Variants in TICRR observed in about 807,000 individuals in gnomAD.
The protein encoded by TICRR is TOPBP1 interacting checkpoint and replication regulator, also known as treslin.
A neutral mutation model predicts 178.1 loss-of-function variants in TICRR; 132 were observed. The observed-to-expected ratio is 0.74, with a 90% CI of 0.64 to 0.86. TICRR has a LOEUF of 0.86. TICRR is among the 40% of genes least tolerant of loss of function. The pLI is 0.00. For missense variants in TICRR, 2,587 were observed against 2,334.3 expected (o/e 1.11, Z -2.23); for synonymous variants, 991 against 900.7 (o/e 1.10, Z -1.79).
intron 5 of TICRR, 45 bp downstream of exon 5, chr15:89,592,221 C>A: frequency 6.5e-7 from 1 of 1,546,006 alleles, no homozygotes; most frequent in South Asian, 1.2e-5. Flanking sequence ...TTAAAATCAA[C>A]GTTCAGTTAT....
At chr15:89,601,228 T>C in intron 9 of TICRR, 70 bp from the exon 10 acceptor site, 1 of 1,367,970 alleles carries the variant, frequency 7.3e-7, no homozygotes, top group Non-Finnish European at 1.0e-6. Context: ...AATAGATCTA[T>C]GCTTACGGAA....
At position 89,619,719 on chromosome 15, in the gene TICRR, A is replaced by C; in HGVS notation, c.3031A>C (p.Arg1011=). The C allele has an allele frequency of 6.2e-7, 1 of 1,610,560 alleles. No individual in the cohort carries two copies. Among genetic ancestry groups the C allele is most frequent in the Non-Finnish European group, 8.5e-7 (1 of 1,179,042 alleles). ...TTCTGATTTTACAGAAATAAGTCTG[A>C]GACGAAGTCCTCGAATCAAGCAGTT... ...SPEKGDEISL[R]RSPRIKQLSF... is the part of the protein sequence containing the mutation. The change falls in exon 18 of 22, where the codon AGA becomes CGA. Residue 1011 remains arginine, a synonymous_variant. Transcript: ENST00000268138.
chr15:89,584,624 G>T, intron 3 of TICRR, 97 bp downstream of exon 3: 1 of 1,251,504 alleles, frequency 8.0e-7, no homozygotes, highest in Non-Finnish European at 1.1e-6. Flanking sequence ...TATAGTCTTA[G>T]TAAAACTGAT....
At chr15:89,596,467 C>A (rs1315540393) in intron 7 of TICRR, among the ~76,000 whole-genome samples, 1 of 152,158 alleles carries the variant, frequency 6.6e-6, no homozygotes, top group African/African-American at 2.4e-5. Flanking sequence ...CTGTCTCAGC[C>A]TCCCGAGTAG....
rs775702308 is a variant in TICRR at position 89,624,223 on chromosome 15, C to T, written c.3913C>T (p.Pro1305Ser). The T allele has an allele frequency of 6.2e-7, 1 of 1,614,196 alleles. No homozygotes were observed. Among genetic ancestry groups the T allele is most frequent in the East Asian group, 2.2e-5 (1 of 44,886 alleles). The stretch of plus-strand genomic sequence containing the variant: ...GAATTCAACTGTGACTTCTTCCCCA[C>T]CTGTTACGCCAAAGAAACTGTTTAC... The part of the protein sequence containing the change: ...PGNSTVTSSP[P>S]VTPKKLFTSP... Residue 1305 changes from proline to serine, a missense_variant, in exon 20 of 22, where the codon CCT becomes TCT. Coordinates refer to ENST00000268138, the MANE Select transcript of TICRR (RefSeq NM_152259.4).
At chr15:89,609,055 T>C in intron 15 of TICRR, 106 bp downstream of exon 15, 2 of 943,118 alleles carry the variant, frequency 2.1e-6, no homozygotes, top group Non-Finnish European at 1.5e-6. Context: ...TCTTCTTCCC[T>C]CTTTTTTCCT....
chr15:89,624,330 G>C lies in TICRR; in HGVS notation c.4020G>C (p.Gln1340His). 1 of 1,614,182 alleles carries C rather than the reference G, an allele frequency of 6.2e-7. No homozygotes were observed. The highest frequency in any genetic ancestry group is 1.1e-5 in the South Asian group (1 of 91,076). The change falls in exon 20 of 22, where the codon CAG becomes CAC. Residue 1340 changes from glutamine (Q) to histidine (H), a missense_variant. By Grantham distance (24) the Gln-to-His change is conservative. Coordinates refer to ENST00000268138, the MANE Select transcript of TICRR (RefSeq NM_152259.4). The part of the protein sequence containing the change: ...IECPSPGELD[Q>H]KEPQMSPSVA... ...GTCCTTCCCCAGGAGAACTGGATCA[G>C]AAAGAGCCCCAGATGTCACCCAGCG...
chr15:89,592,257 A>C (rs887974298), intron 5 of TICRR, 81 bp downstream of exon 5: 23 of 1,214,846 alleles, frequency 1.9e-5, no homozygotes, highest in Non-Finnish European at 2.7e-5. Context: ...AACAGACCAC[A>C]TTCTCTGAGT....
At chr15:89,614,960 T>C (rs182851755) in intron 15 of TICRR, among the ~76,000 whole-genome samples, 219 of 152,330 alleles carry the variant, frequency 1.4e-3, no homozygotes, top group Non-Finnish European at 1.7e-3. Context: ...AGGTTAGCCA[T>C]AGGTGGCAGC....
At chr15:89,622,450 A>G (rs1384212919) in intron 19 of TICRR, among the ~76,000 whole-genome samples, 1 of 152,194 alleles carries the variant, frequency 6.6e-6, no homozygotes, top group African/African-American at 2.4e-5. Context: ...TTTGCTTAAA[A>G]TGTTCACTTT....
chr15:89,619,769 C>T lies in TICRR; in HGVS notation c.3081C>T (p.Ala1027=). ...KQLSFSRTHS[A]SFYSVSQPKS... The stretch of plus-strand genomic sequence containing the variant: ...TGTCATTTAGCAGGACACATTCTGC[C>T]TCCTTCTATTCTGTGTCTCAGCCGA... Residue 1027 remains alanine, a synonymous_variant, in exon 18 of 22, where the codon GCC becomes GCT. Coordinates refer to ENST00000268138, the MANE Select transcript of TICRR (RefSeq NM_152259.4). 2.5e-6 allele frequency: 4 copies of T among 1,613,904 alleles called. No homozygotes were observed. In the African/African-American group the frequency reaches 4.0e-5, roughly 16 times the overall value.
At chr15:89,591,878 C>A in intron 4 of TICRR, 169 bp from the exon 5 acceptor site, 2 of 461,738 alleles carry the variant, frequency 4.3e-6, no homozygotes, top group Non-Finnish European at 7.6e-6. Flanking sequence ...TTTTTATTTA[C>A]CACATAGGCC....
At chr15:89,599,566 T>G (rs779362222) in intron 8 of TICRR, 91 bp downstream of exon 8, 1 of 1,289,568 alleles carries the variant, frequency 7.8e-7, no homozygotes, top group Non-Finnish European at 1.1e-6. Flanking sequence ...GGAAAATGTC[T>G]GTTATGTCAT....
rs186799806 is a variant in TICRR at position 89,588,901 on chromosome 15, G to A, written c.1411+2959G>A. On this transcript the variant is annotated intron_variant, in intron 4 of 21. Transcript: ENST00000268138. ...TGAGACTCAAAGCTGGATTTTTGTCGTTATTTTCAGCAGGTAGAGGGAAAA... is the reference window on the plus strand; with the variant it reads ...TGAGACTCAAAGCTGGATTTTTGTCATTATTTTCAGCAGGTAGAGGGAAAA... Among the ~76,000 whole-genome samples the A allele has an allele frequency of 1.1e-4, 16 of 152,202 alleles. No homozygotes were observed. In the East Asian group the frequency reaches 1.4e-3, roughly 13 times the overall value.
chr15:89,624,286 A>C lies in TICRR; in HGVS notation c.3976A>C (p.Arg1326=). 6.2e-7 allele frequency: 1 copy of C among 1,614,204 alleles called. No homozygotes were observed. Among genetic ancestry groups the C allele is most frequent in the Non-Finnish European group, 8.5e-7 (1 of 1,180,042 alleles). Residue 1326 remains arginine (R), a synonymous_variant, in exon 20 of 22, where the codon AGG becomes CGG. Transcript: ENST00000268138. ...TGATGTCTCCAAGAAGAGTCCATTT[A>C]GGAAATCTAAAATAGAGTGTCCTTC... ...LCDVSKKSPF[R]KSKIECPSPG...
In TICRR at chr15:89,623,954, C is replaced by T. The variant is rs1963466471; in HGVS notation, c.3644C>T (p.Ser1215Leu). 2 of 1,614,110 alleles carry T rather than the reference C, an allele frequency of 1.2e-6. No individual in the cohort carries two copies. The highest frequency in any genetic ancestry group is 1.3e-5 in the African/African-American group (1 of 75,034). ...TTGCCAAACTGTACTTGGCCACATT[C>T]AGTGAATTCCAGTCCAGAAAGCCCC... ...GFLPNCTWPH[S>L]VNSSPESPSC... The change falls in exon 20 of 22, where the codon TCA becomes TTA. Residue 1215 changes from serine (S) to leucine (L), a missense_variant. Physicochemically the swap from Ser to Leu is moderately radical, Grantham distance 145 (BLOSUM62 -2). Transcript: ENST00000268138.
chr15:89,623,936 A>G lies in TICRR; in HGVS notation c.3626A>G (p.Asn1209Ser). The G allele has an allele frequency of 1.2e-6, 2 of 1,613,910 alleles. No individual in the cohort carries two copies. The highest frequency in any genetic ancestry group is 1.7e-6 in the Non-Finnish European group (2 of 1,179,990). ...ACTCAGCCGCCTGGGTTTTTGCCAAACTGTACTTGGCCACATTCAGTGAAT... is the reference window on the plus strand; with the variant it reads ...ACTCAGCCGCCTGGGTTTTTGCCAAGCTGTACTTGGCCACATTCAGTGAAT... ...QGTQPPGFLP[N>S]CTWPHSVNSS... Residue 1209 changes from asparagine (N) to serine (S), a missense_variant, in exon 20 of 22, where the codon AAC becomes AGC. Asn to Ser is a conservative substitution (Grantham distance 46). Coordinates refer to ENST00000268138, the MANE Select transcript of TICRR (RefSeq NM_152259.4).
At chr15:89,576,382 A>G in intron 1 of TICRR, 142 bp downstream of exon 1, 1 of 853,106 alleles carries the variant, frequency 1.2e-6, no homozygotes, top group Non-Finnish European at 1.7e-6. Flanking sequence ...ACAAATAAAT[A>G]GGAACAGTTT....
intron 19 of TICRR, 93 bp downstream of exon 19, chr15:89,621,643 A>G (rs1489601331): frequency 1.8e-6 from 2 of 1,085,510 alleles, no homozygotes; most frequent in Non-Finnish European, 2.6e-6. Context: ...AAGAGAAAGC[A>G]GGTGACCTCT....
Sources: allele counts gnomAD v4.1 joint callset (sites outside exome capture counted in the v4.1 genomes callset), GRCh38; gene constraint gnomAD v4.1.1; transcripts MANE v1.5; gene names NCBI Gene and HGNC (gene_info 2026-07-23, HGNC 2026-07-21).